Variants in UBAC2 observed in about 807,000 individuals in gnomAD.
UBAC2 encodes the protein ubiquitin-associated domain-containing protein 2.
A neutral mutation model predicts 44.0 loss-of-function variants in UBAC2; 26 were observed. The ratio of observed to expected loss-of-function variants is 0.59; its 90% confidence interval spans 0.43 to 0.82. UBAC2 has a LOEUF of 0.82. Among genes scored for constraint, UBAC2 ranks in the 40% least tolerant of loss-of-function variants. The pLI is 0.00. For synonymous variants in UBAC2, 155 were observed against 154.3 expected (o/e 1.00, Z -0.04); for missense variants, 329 against 419.4 (o/e 0.78, Z 1.88).
chr13:99,257,200 T>A lies in UBAC2; in HGVS notation c.389+12576T>A, dbSNP rs532708259. ...ATATATTTAAAAACATATTAAATTT[T>A]CCAAATATTGGTGTGACTAGAATAT... On this transcript the variant is annotated intron_variant, in intron 4 of 8. Coordinates refer to ENST00000403766, the MANE Select transcript of UBAC2 (RefSeq NM_001144072.2). Among the ~76,000 whole-genome samples, 49 of 152,296 alleles carry A rather than the reference T, an allele frequency of 3.2e-4. 2 individuals carry two copies. In the South Asian group the frequency reaches 9.3e-3, roughly 29 times the overall value.
intron 4 of UBAC2, among the ~76,000 whole-genome samples, chr13:99,248,118 C>G (rs1427203730): frequency 6.6e-6 from 1 of 152,198 alleles, no homozygotes; most frequent in African/African-American, 2.4e-5. Context: ...ATCTTGCCCA[C>G]TTTCTTGATT....
chr13:99,344,276 C>T (rs948316301), intron 7 of UBAC2, among the ~76,000 whole-genome samples: 1 of 152,090 alleles, frequency 6.6e-6, no homozygotes, highest in African/African-American at 2.4e-5. Flanking sequence ...ACTCTGAGGT[C>T]TCTGTTTCTG....
Position 99,295,959 on chromosome 13 carries a change from T to G in UBAC2, c.390-18138T>G. On this transcript the variant is annotated intron_variant, in intron 4 of 8. Transcript: ENST00000403766. The surrounding 1 kb of genome is among the most constrained non-coding windows in gnomAD (Gnocchi z 4.1). ...GTTGAATAGAGGGTGGTAGAGTTGATTTTTTTCCTGTTTTGAACAATGACG... is the reference window on the plus strand; with the variant it reads ...GTTGAATAGAGGGTGGTAGAGTTGAGTTTTTTCCTGTTTTGAACAATGACG... 3 of 1,613,566 alleles carry G rather than the reference T, an allele frequency of 1.9e-6. No homozygotes were observed. The highest frequency in any genetic ancestry group is 2.5e-6 in the Non-Finnish European group (3 of 1,179,504).
intron 4 of UBAC2, among the ~76,000 whole-genome samples, chr13:99,253,757 G>A (rs146748361): frequency 0.014 from 2,081 of 152,118 alleles, 66 homozygotes; most frequent in African/African-American, 0.047. Flanking sequence ...CAAGTGATCC[G>A]TCCACCTCAG....
intron 4 of UBAC2, among the ~76,000 whole-genome samples, chr13:99,281,668 A>G (rs796427954): frequency 5.2e-4 from 79 of 152,378 alleles, no homozygotes; most frequent in African/African-American, 1.9e-3. Flanking sequence ...AACAAGAGGA[A>G]GAGGCTTTTC....
chr13:99,253,932 A>C (rs547197953), intron 4 of UBAC2, among the ~76,000 whole-genome samples: 39 of 152,224 alleles, frequency 2.6e-4, no homozygotes, highest in Non-Finnish European at 5.0e-4. Context: ...CATTTATTTT[A>C]CTTCCATAAG....
intron 2 of UBAC2, among the ~76,000 whole-genome samples, chr13:99,242,762 C>T (rs2142736741): frequency 6.7e-6 from 1 of 148,748 alleles, no homozygotes; most frequent in Non-Finnish European, 1.5e-5. Context: ...GACGGGGTGG[C>T]TGCCGGGCGG....
At chr13:99,299,239 G>C (rs2044221114) in intron 4 of UBAC2, among the ~76,000 whole-genome samples, 3 of 152,182 alleles carry the variant, frequency 2.0e-5, no homozygotes, top group African/African-American at 7.2e-5. Context: ...GTTTTACATA[G>C]TTTATAAACA....
At chr13:99,261,979 TAAAC>T (rs1008404526) in intron 4 of UBAC2, among the ~76,000 whole-genome samples, 4 of 152,200 alleles carry the variant, frequency 2.6e-5, no homozygotes, top group Non-Finnish European at 2.9e-5. Context: ...ATTCCAGAAA[TAAAC>T]AATTCATAAG....
In UBAC2 at chr13:99,234,760, C is replaced by A. The variant is rs115929404; in HGVS notation, c.32-3667C>A. On this transcript the variant is annotated intron_variant, in intron 1 of 8. Transcript: ENST00000403766. ...TATGAGAGAGGAAGGCATGAAAACA[C>A]AAAGGTGGAACCAAGGAAGACCAGA... 2.9e-3 allele frequency among the ~76,000 whole-genome samples: 443 copies of A among 152,162 alleles called. 2 individuals are homozygous for A. The highest frequency in any genetic ancestry group is 0.01 in the African/African-American group (430 of 41,530).
chr13:99,232,782 GA>G (rs1403140375), intron 1 of UBAC2, among the ~76,000 whole-genome samples: 1 of 150,048 alleles, frequency 6.7e-6, no homozygotes, highest in Non-Finnish European at 1.5e-5. Flanking sequence ...CAAAAACAAC[GA>G]AAAAAAAACC....
chr13:99,378,771 TG>T (rs2045514537), intron 8 of UBAC2, among the ~76,000 whole-genome samples: 1 of 152,248 alleles, frequency 6.6e-6, no homozygotes, highest in Non-Finnish European at 1.5e-5. Flanking sequence ...ACAGCATGTG[TG>T]GCATCCTTCA....
At chr13:99,268,117 A>G (rs1407014170) in intron 4 of UBAC2, among the ~76,000 whole-genome samples, 1 of 152,176 alleles carries the variant, frequency 6.6e-6, no homozygotes, top group Non-Finnish European at 1.5e-5. Context: ...CTCCCAAACC[A>G]TTGGCAAGAA....
intron 1 of UBAC2, among the ~76,000 whole-genome samples, chr13:99,203,968 A>G (rs1327158636): frequency 6.6e-6 from 1 of 152,228 alleles, no homozygotes; most frequent in East Asian, 1.9e-4. Flanking sequence ...ATGACCGGGT[A>G]AAAGTGCGTA....
intron 4 of UBAC2, among the ~76,000 whole-genome samples, chr13:99,288,113 T>G (rs2044043778): frequency 6.6e-6 from 1 of 152,226 alleles, no homozygotes; most frequent in Non-Finnish European, 1.5e-5. Context: ...TTTTTTAGAT[T>G]AGGTCTCAAA....
At chr13:99,324,211 TATATTTGGTCAAA>T in intron 6 of UBAC2, among the ~76,000 whole-genome samples, 1 of 152,382 alleles carries the variant, frequency 6.6e-6, no homozygotes, top group Middle Eastern at 3.4e-3. Context: ...TTTGTTCAAA[TATATTTGGTCAAA>T]ATATGTTCTG....
intron 7 of UBAC2, among the ~76,000 whole-genome samples, chr13:99,346,461 C>T (rs1594152175): frequency 6.6e-6 from 1 of 152,366 alleles, no homozygotes; most frequent in African/African-American, 2.4e-5. Context: ...GTGGCCGCAT[C>T]TCCTTTCTGC....
At chr13:99,264,590 C>T (rs1298564957) in intron 4 of UBAC2, among the ~76,000 whole-genome samples, 2 of 152,114 alleles carry the variant, frequency 1.3e-5, no homozygotes, top group Non-Finnish European at 2.9e-5. Flanking sequence ...ACTAACTGAC[C>T]AGGTTGTCTT....
rs921954070 is a variant in UBAC2, at chr13:99,246,610, G to A, written c.389+1986G>A. Among the ~76,000 whole-genome samples the A allele has an allele frequency of 7.9e-5, 12 of 152,226 alleles. 1 individual carries two copies. The highest frequency in any genetic ancestry group is 1.9e-4 in the East Asian group (1 of 5,194). On this transcript the variant is annotated intron_variant, in intron 4 of 8. Transcript: ENST00000403766. ...TCTTTTTCCTGCTGCACATGGAATC[G>A]AATGACAGTAGAACTTTCATATTCA...
Sources: gnomAD v4.1 joint callset for allele counts (sites outside exome capture counted in the v4.1 genomes callset) on GRCh38, gnomAD v4.1.1 for gene constraint, Gnocchi (gnomAD v3.1) non-coding constraint, MANE v1.5 for transcripts, NCBI Gene and HGNC (gene_info 2026-07-23, HGNC 2026-07-21) for gene names.